The following WWOX variants were observed in gnomAD, a reference collection of about 807,000 sequenced individuals.
WWOX encodes WW domain-containing oxidoreductase.
A neutral mutation model predicts 46.2 loss-of-function variants in WWOX; 69 were observed. The ratio of observed to expected loss-of-function variants is 1.49; its 90% CI spans 1.23 to 1.82. The LOEUF (loss-of-function observed/expected upper bound fraction) is 1.82, where lower values mean the gene tolerates loss of function less well. Among genes scored for constraint, WWOX ranks in the 40% most tolerant of loss-of-function variants. The pLI is 0.00. For synonymous variants in WWOX, 359 were observed against 202.6 expected, an observed-to-expected ratio of 1.77 and a Z score of -6.56; for missense variants, 919 against 542.6, an observed-to-expected ratio of 1.69 and a Z score of -6.89.
chr16:78,329,385 C>A (rs184813327), intron 5 of WWOX, among the ~76,000 whole-genome samples: 9 of 152,262 alleles, frequency 5.9e-5, no homozygotes, highest in Admixed American at 5.2e-4. Context: ...CTTAGAACAA[C>A]CTCCACCACG....
chr16:78,922,177 G>A (rs1009125264), intron 8 of WWOX, among the ~76,000 whole-genome samples: 4 of 152,006 alleles, frequency 2.6e-5, no homozygotes, highest in Admixed American at 6.6e-5. Flanking sequence ...CAGCCTCCAA[G>A]TCAACTGATA....
At chr16:78,257,642 A>G (rs1373616076) in intron 5 of WWOX, among the ~76,000 whole-genome samples, 1 of 152,136 alleles carries the variant, frequency 6.6e-6, no homozygotes, top group East Asian at 1.9e-4. Flanking sequence ...TGTCTACCGC[A>G]GCGGTTTTTT....
intron 8 of WWOX, among the ~76,000 whole-genome samples, chr16:78,711,365 A>G (rs751309040): frequency 2.6e-5 from 4 of 152,256 alleles, no homozygotes; most frequent in Non-Finnish European, 4.4e-5. Context: ...AAATAGGAAC[A>G]TGATGCTCAT....
chr16:78,987,930 A>G (rs189741442), intron 8 of WWOX, among the ~76,000 whole-genome samples: 140 of 152,238 alleles, frequency 9.2e-4, no homozygotes, highest in Middle Eastern at 3.4e-3. Flanking sequence ...TTCTGTATCC[A>G]TGGTAGTCCC....
At chr16:79,104,521 G>A (rs1361700839) in intron 8 of WWOX, among the ~76,000 whole-genome samples, 1 of 152,098 alleles carries the variant, frequency 6.6e-6, no homozygotes, top group African/African-American at 2.4e-5. Context: ...AGTAATTTCC[G>A]AGAAATATTA....
At chr16:78,921,800 G>C (rs545489609) in intron 8 of WWOX, among the ~76,000 whole-genome samples, 1 of 152,324 alleles carries the variant, frequency 6.6e-6, no homozygotes, top group East Asian at 1.9e-4. Flanking sequence ...TCCTTACTCT[G>C]ACACCCACTG....
At chr16:78,924,976 G>C (rs768630970) in intron 8 of WWOX, among the ~76,000 whole-genome samples, 12 of 152,146 alleles carry the variant, frequency 7.9e-5, no homozygotes, top group African/African-American at 1.7e-4. Flanking sequence ...GGGAGGATCA[G>C]TTGAGCTCAG....
chr16:78,236,297 A>G (rs1026193337), intron 5 of WWOX, among the ~76,000 whole-genome samples: 2 of 152,256 alleles, frequency 1.3e-5, no homozygotes, highest in Non-Finnish European at 2.9e-5. Flanking sequence ...AGCAAATGCT[A>G]GTTTCCTGGC....
At chr16:78,950,922 C>T (rs1041597523) in intron 8 of WWOX, among the ~76,000 whole-genome samples, 2 of 152,156 alleles carry the variant, frequency 1.3e-5, no homozygotes, top group South Asian at 2.1e-4. Context: ...ATAACATTGT[C>T]CAGATTTTCA....
intron 5 of WWOX, among the ~76,000 whole-genome samples, chr16:78,307,213 C>G (rs935801228): frequency 1.3e-5 from 2 of 152,206 alleles, no homozygotes; most frequent in Admixed American, 6.5e-5. Flanking sequence ...TACCTGTTCA[C>G]TGCTGCCCGT....
chr16:78,531,862 TAAAC>T (rs1047328284), intron 8 of WWOX, among the ~76,000 whole-genome samples: 3 of 152,058 alleles, frequency 2.0e-5, no homozygotes, highest in Non-Finnish European at 2.9e-5. Context: ...TGTCTCAAAA[TAAAC>T]AAACAAATAA....
At chr16:78,408,996 C>A (rs11860457) in intron 6 of WWOX, among the ~76,000 whole-genome samples, 2 of 152,104 alleles carry the variant, frequency 1.3e-5, no homozygotes, top group African/African-American at 4.8e-5. Flanking sequence ...GTAGCTCAAG[C>A]ATCTTACCTA....
chr16:78,885,247 G>GA (rs35869310), intron 8 of WWOX, among the ~76,000 whole-genome samples: 57,999 of 145,010 alleles, frequency 0.4, 11,562 homozygotes, highest in Non-Finnish European at 0.43. Context: ...AAGGAACACT[G>GA]AAAAAAAAAA....
intron 8 of WWOX, among the ~76,000 whole-genome samples, chr16:79,097,348 C>CT (rs545489914): frequency 0.14 from 18,948 of 136,842 alleles, 2,213 homozygotes; most frequent in African/African-American, 0.33. Context: ...GGCTCCAAAA[C>CT]TTTTTTTTTT....
chr16:79,044,212 C>T (rs370171053), intron 8 of WWOX, among the ~76,000 whole-genome samples: 40 of 152,310 alleles, frequency 2.6e-4, no homozygotes, highest in South Asian at 2.1e-3. Flanking sequence ...ATTCAACAAA[C>T]GCTCTTCAGG....
chr16:78,177,887 C>A (rs1030000198), intron 5 of WWOX, among the ~76,000 whole-genome samples: 2 of 152,278 alleles, frequency 1.3e-5, no homozygotes, highest in East Asian at 3.9e-4. Context: ...TTGCTTAGTT[C>A]CTGACATTCA....
chr16:78,365,864 C>A (rs61600581), intron 5 of WWOX, among the ~76,000 whole-genome samples: 19,397 of 152,122 alleles, frequency 0.13, 1,714 homozygotes, highest in East Asian at 0.36. Flanking sequence ...GTGTATAGTT[C>A]TCCTTTCCTT....
chr16:79,146,010 T>A (rs1320176531), intron 8 of WWOX, among the ~76,000 whole-genome samples: 1 of 152,194 alleles, frequency 6.6e-6, no homozygotes, highest in African/African-American at 2.4e-5. Context: ...AGCTCAGCTG[T>A]GAATTAAGAT....
At chr16:79,137,699 C>G (rs1173907117) in intron 8 of WWOX, among the ~76,000 whole-genome samples, 1 of 152,026 alleles carries the variant, frequency 6.6e-6, no homozygotes, top group African/African-American at 2.4e-5. Flanking sequence ...GTCTCCTTCC[C>G]CCGACCCTCC....
Sources: allele counts gnomAD v4.1 joint callset (sites outside exome capture counted in the v4.1 genomes callset), GRCh38; gene constraint gnomAD v4.1.1; transcripts MANE v1.5; gene names NCBI Gene and HGNC (gene_info 2026-07-23, HGNC 2026-07-21).